The following MUC5AC variants were observed in gnomAD, a reference collection of about 807,000 sequenced individuals.
The protein encoded by MUC5AC is mucin 5AC, oligomeric mucus/gel-forming.
MUC5AC carries 158 observed loss-of-function variants against 169.7 expected under a neutral mutation model. The observed-to-expected ratio is 0.93, with a 90% CI of 0.82 to 1.06. The LOEUF (loss-of-function observed/expected upper bound fraction) is 1.06, where lower values mean the gene tolerates loss of function less well. MUC5AC is among the 50% of genes least tolerant of loss of function. The pLI is 0.00. For missense variants in MUC5AC, 4,359 were observed against 3,089.9 expected, an observed-to-expected ratio of 1.41 and a Z score of -9.74; for synonymous variants, 1,975 against 1,237.0, an observed-to-expected ratio of 1.60 and a Z score of -12.52.
rs921708048 is a variant in MUC5AC, at chr11:1,182,387, C to T, written c.4242C>T (p.Arg1414=). The change falls in exon 31 of 49, where the codon CGC becomes CGT. Residue 1414 remains arginine (R), a synonymous_variant. Coordinates refer to ENST00000621226, the MANE Select transcript of MUC5AC (RefSeq NM_001304359.2). ...ACTTCGACACACTGGAGAACCTCCG[C>T]GCCCATGGGTACCGGGTGTGCGAAT... ...SGDFDTLENL[R]AHGYRVCESP... 8.8e-5 allele frequency: 35 copies of T among 398,586 alleles called. No homozygotes were observed. The highest frequency in any genetic ancestry group is 6.4e-4 in the South Asian group (5 of 7,860). 24.7% of individuals were successfully genotyped at this position (398,586 alleles called of 1,614,324 possible). A position where few individuals can be genotyped will look rare whatever the true frequency, so the allele number is the denominator to read the frequency against.
rs1293057761 is a variant in MUC5AC at position 1,184,211 on chromosome 11, G to C, written c.6066G>C (p.Leu2022=). 4 of 402,690 alleles carry C rather than the reference G, an allele frequency of 9.9e-6. No individual in the cohort carries two copies. Among genetic ancestry groups the C allele is most frequent in the Non-Finnish European group, 4.4e-6 (1 of 229,162 alleles). 24.9% of individuals were successfully genotyped at this position (402,690 alleles called of 1,614,324 possible). Residue 2022 remains leucine, a synonymous_variant, in exon 31 of 49, where the codon CTG becomes CTC. Transcript: ENST00000621226. ...QDVICSHTEG[L]ICLNKNQLPP... ...TCATCTGCAGCCACACAGAGGGGCTGATTTGCCTGAACAAGAACCAGCTCC... is the reference window on the plus strand; with the variant it reads ...TCATCTGCAGCCACACAGAGGGGCTCATTTGCCTGAACAAGAACCAGCTCC...
Position 1,181,157 on chromosome 11 carries a change from C to G in MUC5AC, c.3795C>G (p.Gly1265=), listed in dbSNP as rs946702327. ...NCQSCLCTER[G]VECTYKAEAC... is the part of the protein sequence containing the mutation. ...TCTCCAGCCTTTGTACGGAGCGCGG[C>G]GTGGAGTGCACCTACAAAGCTGAGG... Residue 1265 remains glycine, a synonymous_variant, in exon 29 of 49, where the codon GGC becomes GGG. Transcript: ENST00000621226. 4 of 398,554 alleles carry G rather than the reference C, an allele frequency of 1.0e-5. No individual in the cohort carries two copies. Among genetic ancestry groups the G allele is most frequent in the African/African-American group, 4.1e-5 (2 of 48,724 alleles). 24.7% of individuals were successfully genotyped at this position (398,554 alleles called of 1,614,324 possible). A position where few individuals can be genotyped will look rare whatever the true frequency, so the allele number is the denominator to read the frequency against.
Position 1,172,523 on chromosome 11 carries a change from G to A in MUC5AC, c.1965G>A (p.Ser655=), listed in dbSNP as rs954450432. 5.0e-6 allele frequency: 2 copies of A among 398,564 alleles called. No individual in the cohort carries two copies. The highest frequency in any genetic ancestry group is 4.1e-5 in the African/African-American group (2 of 48,648). 24.7% of individuals were successfully genotyped at this position (398,564 alleles called of 1,614,324 possible). Residue 655 remains serine, a splice_region_variant and synonymous_variant, in exon 16 of 49, where the codon TCG becomes TCA. Transcript: ENST00000621226. ...CCGTGAAGCCGGGAACCTACTACTC[G>A]GTAACATCTGCCGCCTCTTGGCCCG... ...HAAVKPGTYY[S]NCMFDTCNCE... is the part of the protein sequence containing the mutation.
rs1861161908 is a variant in MUC5AC, at chr11:1,192,935, G to A, written c.14533G>A (p.Glu4845Lys). ...PATSPSISTS[E>K]PVTELGCPNA... The stretch of plus-strand genomic sequence containing the variant: ...CACGTCCCCTTCAATATCCACCTCC[G>A]AGCCCGTCACTGAGCTGGGATGCCC... The change falls in exon 32 of 49, where the codon GAG (glutamate) becomes AAG (lysine). Residue 4845 changes from glutamate to lysine, a missense_variant. Physicochemically the swap from Glu to Lys is moderately conservative, Grantham distance 56. Coordinates refer to ENST00000621226, the MANE Select transcript of MUC5AC (RefSeq NM_001304359.2). The A allele has an allele frequency of 2.7e-6, 2 of 753,550 alleles. No homozygotes were observed. Among genetic ancestry groups the A allele is most frequent in the Non-Finnish European group, 4.9e-6 (2 of 412,190 alleles). The allele number at this position is 753,550 out of a possible 1,614,324, so 46.7% of individuals were successfully genotyped here.
rs1861026782 is a variant in MUC5AC, at chr11:1,189,367, C to A, written c.11222C>A (p.Thr3741Lys). Residue 3741 changes from threonine to lysine, a missense_variant, in exon 31 of 49, where the codon ACA becomes AAA. Thr to Lys is a moderately conservative substitution (Grantham distance 78). Transcript: ENST00000621226. ...ACCACCAGCACAATCTCTGCCCCTA[C>A]AACCAGCACAATCTCTGCCCCTACA... ...APTTSTISAP[T>K]TSTISAPTTS... 3.5e-6 allele frequency: 2 copies of A among 574,698 alleles called. No individual in the cohort carries two copies. Among genetic ancestry groups the A allele is most frequent in the Non-Finnish European group, 6.2e-6 (2 of 324,802 alleles). 35.6% of individuals were successfully genotyped at this position (574,698 alleles called of 1,614,324 possible). A position where few individuals can be genotyped will look rare whatever the true frequency, so the allele number is the denominator to read the frequency against.
intron 19 of MUC5AC, 31 bp downstream of exon 19, chr11:1,175,301 C>T (rs2133742035): frequency 5.0e-6 from 2 of 398,634 alleles, no homozygotes; most frequent in African/African-American, 2.1e-5. Flanking sequence ...ACTGTGGCCC[C>T]CAGCCTCCTC....
intron 3 of MUC5AC, 84 bp from the exon 4 acceptor site, chr11:1,161,823 G>A (rs1860148849): frequency 2.0e-6 from 3 of 1,510,026 alleles, no homozygotes; most frequent in Non-Finnish European, 2.7e-6. Context: ...CCCTGGGGAG[G>A]GGCAGGAGGT....
In MUC5AC at chr11:1,190,819, C is replaced by T. The variant is rs1366205283; in HGVS notation, c.12674C>T (p.Pro4225Leu). ...SSTTSGSGTT[P>L]SPVPTTSTTS... ...ACAACCTCCGGTTCTGGAACTACTC[C>T]AAGCCCTGTTCCCACCACCAGCACA... Residue 4225 changes from proline to leucine, a missense_variant, in exon 31 of 49, where the codon CCA becomes CTA. Physicochemically the swap from Pro to Leu is moderately conservative, Grantham distance 98. Transcript: ENST00000621226. 6.4e-5 allele frequency: 47 copies of T among 734,626 alleles called. No homozygotes were observed. Among genetic ancestry groups the T allele is most frequent in the Non-Finnish European group, 9.9e-5 (40 of 402,644 alleles). 45.5% of individuals were successfully genotyped at this position (734,626 alleles called of 1,614,324 possible).
At chr11:1,161,707 T>C (rs1191410038) in intron 3 of MUC5AC, 121 bp downstream of exon 3, 6 of 1,313,024 alleles carry the variant, frequency 4.6e-6, no homozygotes, top group Non-Finnish European at 6.2e-6. Flanking sequence ...TGGGTGGGTA[T>C]TGGAGCCAGA....
intron 32 of MUC5AC, among the ~76,000 whole-genome samples, chr11:1,193,219 G>T (rs1036166798): frequency 6.6e-6 from 1 of 152,228 alleles, no homozygotes; most frequent in Non-Finnish European, 1.5e-5. Flanking sequence ...GCTGTGCTGA[G>T]GACAGCCAGG....
intron 28 of MUC5AC, 59 bp from the exon 29 acceptor site, chr11:1,181,080 C>G: frequency 5.0e-6 from 2 of 398,544 alleles, no homozygotes; most frequent in Non-Finnish European, 8.8e-6. Flanking sequence ...GCATGGGATG[C>G]CCGTGGAAGG....
chr11:1,178,029 C>T (rs1860728172), intron 24 of MUC5AC, among the ~76,000 whole-genome samples: 1 of 152,228 alleles, frequency 6.6e-6, no homozygotes, highest in Non-Finnish European at 1.5e-5. Context: ...ACGCAGCCTC[C>T]TCCCTGTGAC....
At chr11:1,163,834 ACG>A in intron 6 of MUC5AC, 46 bp from the exon 7 acceptor site, 1 of 1,457,920 alleles carries the variant, frequency 6.9e-7, no homozygotes, top group Non-Finnish European at 9.4e-7. Flanking sequence ...TGCTGGGCTG[ACG>A]GGTACCGGGA....
rs1342959151 is a variant in MUC5AC at position 1,164,141 on chromosome 11, C to A, written c.825C>A (p.Phe275Leu). The change falls in exon 8 of 49, where the codon TTC (phenylalanine) becomes TTA (leucine). Residue 275 changes from phenylalanine (F) to leucine (L), a missense_variant. Physicochemically the swap from Phe to Leu is conservative, Grantham distance 22. Transcript: ENST00000621226. ...AGGAGCTCCTGCACGGCCAGCTGTT[C>A]TCTGGCTGCGTGGCCCTGGTGGACG... is the stretch of plus-strand genomic sequence containing the variant. ...ICEELLHGQL[F>L]SGCVALVDVG... The A allele has an allele frequency of 5.6e-6, 9 of 1,612,280 alleles. No individual in the cohort carries two copies. Among genetic ancestry groups the A allele is most frequent in the Non-Finnish European group, 7.6e-6 (9 of 1,179,876 alleles).
Position 1,160,706 on chromosome 11 carries a change from G to T in MUC5AC, c.151+17G>T. On this transcript the variant is annotated intron_variant, in intron 2 of 48. Coordinates refer to ENST00000621226, the MANE Select transcript of MUC5AC (RefSeq NM_001304359.2). ...GGCCCAGCGGTGAGTCTGAGTGTCC[G>T]GCCCCCACCCTAAGCCTGTCAGATT... 6.2e-7 allele frequency: 1 copy of T among 1,602,802 alleles called. No homozygotes were observed. Among genetic ancestry groups the T allele is most frequent in the Non-Finnish European group, 8.5e-7 (1 of 1,176,110 alleles).
In MUC5AC at chr11:1,187,016, C is replaced by T; in HGVS notation, c.8871C>T (p.Ile2957=). 1.3e-6 allele frequency: 1 copy of T among 744,794 alleles called. No individual in the cohort carries two copies. Among genetic ancestry groups the T allele is most frequent in the Admixed American group, 1.8e-5 (1 of 55,694 alleles). 46.1% of individuals were successfully genotyped at this position (744,794 alleles called of 1,614,324 possible). Residue 2957 remains isoleucine, a synonymous_variant, in exon 31 of 49, where the codon ATC becomes ATT. Coordinates refer to ENST00000621226, the MANE Select transcript of MUC5AC (RefSeq NM_001304359.2). ...GCCCTGTTCCTACCACCAGCACAAT[C>T]TCTGTTCCTACCACCAGCACAACTT... The part of the protein sequence containing the change: ...TPSPVPTTST[I]SVPTTSTTSA...
rs777053088 is a variant in MUC5AC at position 1,163,989 on chromosome 11, T to A, written c.787T>A (p.Phe263Ile). Residue 263 changes from phenylalanine (F) to isoleucine (I), a missense_variant and splice_region_variant, in exon 7 of 49, where the codon TTT becomes ATT. By Grantham distance (21) the Phe-to-Ile change is conservative. Coordinates refer to ENST00000621226, the MANE Select transcript of MUC5AC (RefSeq NM_001304359.2). ...ACCCCCGAGGAACTGCTCCACTGGC[T>A]TTGTAAGCCTTGGAGGGAACAGAGG... ...PEPPRNCSTG[F>I]GICEELLHGQ... 6.2e-7 allele frequency: 1 copy of A among 1,610,320 alleles called. No homozygotes were observed. The highest frequency in any genetic ancestry group is 2.2e-5 in the East Asian group (1 of 44,802).
intron 1 of MUC5AC, 122 bp from the exon 2 acceptor site, chr11:1,160,490 A>G: frequency 1.3e-6 from 1 of 774,136 alleles, no homozygotes; most frequent in Non-Finnish European, 2.2e-6. Flanking sequence ...AGCCCTTGCC[A>G]CGGGCCACCC....
Position 1,189,035 on chromosome 11 carries a change from T to C in MUC5AC, c.10890T>C (p.Ser3630=). 1 of 663,448 alleles carries C rather than the reference T, an allele frequency of 1.5e-6. No individual in the cohort carries two copies. The highest frequency in any genetic ancestry group is 1.7e-5 in the South Asian group (1 of 58,682). The allele number at this position is 663,448 out of a possible 1,614,324, so 41.1% of individuals were successfully genotyped here. The change falls in exon 31 of 49, where the codon TCT becomes TCC. Residue 3630 remains serine (S), a synonymous_variant. Coordinates refer to ENST00000621226, the MANE Select transcript of MUC5AC (RefSeq NM_001304359.2). Reference sequence around the variant, plus strand: ...AAGGCTGCCCCGTGACCTCCACATCTGTGACAGCTCCTAGCACCCCTAGTG... The same window carrying C: ...AAGGCTGCCCCGTGACCTCCACATCCGTGACAGCTCCTAGCACCCCTAGTG... ...TPKGCPVTST[S]VTAPSTPSGR...
Sources: allele counts gnomAD v4.1 joint callset (sites outside exome capture counted in the v4.1 genomes callset), GRCh38; gene constraint gnomAD v4.1.1; transcripts MANE v1.5; gene names NCBI Gene and HGNC (gene_info 2026-07-23, HGNC 2026-07-21).